The following LIPF variants were observed in gnomAD, a reference collection of about 807,000 sequenced individuals.
LIPF encodes the protein gastric triacylglycerol lipase.
LIPF carries 25 observed loss-of-function variants against 38.0 expected under a neutral mutation model. That is an observed-to-expected ratio of 0.66 (90% CI 0.48 to 0.92). The LOEUF (loss-of-function observed/expected upper bound fraction) is 0.92, where lower values mean the gene tolerates loss of function less well. Among genes scored for constraint, LIPF ranks in the 40% least tolerant of loss-of-function variants. LIPF has a pLI of 0.00. For missense variants in LIPF, 410 were observed against 469.9 expected (o/e 0.87, Z 1.18); for synonymous variants, 161 against 156.2 (o/e 1.03, Z -0.23).
At chr10:88,665,611 G>A in intron 1 of LIPF, 1 of 1,393,054 alleles carries the variant, frequency 7.2e-7, no homozygotes, top group South Asian at 1.2e-5. Flanking sequence ...TGGAGGTCAT[G>A]TGGGTTCCTG....
intron 4 of LIPF, 159 bp from the exon 5 acceptor site, chr10:88,669,678 C>T: frequency 3.9e-6 from 2 of 517,538 alleles, no homozygotes; most frequent in Non-Finnish European, 6.9e-6. Flanking sequence ...TAAGAAGCTG[C>T]CCCAAAGGGC....
Position 88,667,670 on chromosome 10 carries a change from A to G in LIPF, c.207A>G (p.Lys69=), listed in dbSNP as rs746333498. The change falls in exon 3 of 10, where the codon AAA becomes AAG. Residue 69 remains lysine (K), a synonymous_variant. Transcript: ENST00000238983. ...LEVNRIPYGK[K]NSGNTGQRPV... ...TCAATAGAATTCCTTATGGGAAGAA[A>G]AATTCAGGGAATACAGGTATATATA... is the stretch of plus-strand genomic sequence containing the variant. The G allele has an allele frequency of 6.9e-7, 1 of 1,455,196 alleles. No homozygotes were observed. 90.1% of individuals were successfully genotyped at this position (1,455,196 alleles called of 1,614,324 possible).
rs564643012 is a variant in LIPF, at chr10:88,668,583, G to C, written c.249G>C (p.Gln83His). The C allele has an allele frequency of 3.7e-6, 6 of 1,614,126 alleles. No homozygotes were observed. The East Asian group carries it at 1.3e-4, about 36-fold the overall frequency. ...GCCAGAGACCTGTTGTGTTTTTGCA[G>C]CATGGTTTGCTTGCATCAGCCACAA... ...NTGQRPVVFL[Q>H]HGLLASATNW... Residue 83 changes from glutamine to histidine, a missense_variant, in exon 4 of 10, where the codon CAG becomes CAC. Gln to His is a conservative substitution (Grantham distance 24). Transcript: ENST00000238983.
At chr10:88,677,017 T>C (rs1182320240) in intron 9 of LIPF, among the ~76,000 whole-genome samples, 1 of 152,204 alleles carries the variant, frequency 6.6e-6, no homozygotes, top group Non-Finnish European at 1.5e-5. Context: ...CCTATAGTAT[T>C]TTGTAACCTT....
chr10:88,672,670 A>ACACACTCTCTCTCT (rs869259093), intron 6 of LIPF, among the ~76,000 whole-genome samples: 6 of 110,500 alleles, frequency 5.4e-5, no homozygotes, highest in African/African-American at 2.0e-4. Context: ...ACACACACAC[A>ACACACTCTCTCTCT]CTCTCTCTCT....
At chr10:88,671,488 T>C (rs1315332479) in intron 5 of LIPF, among the ~76,000 whole-genome samples, 1 of 152,174 alleles carries the variant, frequency 6.6e-6, no homozygotes, top group East Asian at 1.9e-4. Context: ...TGTAATGAGA[T>C]ACATTTAAAT....
intron 6 of LIPF, 33 bp from the exon 7 acceptor site, chr10:88,673,555 C>T: frequency 6.4e-7 from 1 of 1,564,494 alleles, no homozygotes. Flanking sequence ...AGCTTGATTG[C>T]TACAACCCTC....
At chr10:88,676,315 G>T in intron 9 of LIPF, 35 bp downstream of exon 9, 1 of 1,238,610 alleles carries the variant, frequency 8.1e-7, no homozygotes, top group East Asian at 2.3e-5. Context: ...TTCACATTTT[G>T]AACAACAATA....
In LIPF at chr10:88,678,537, T is replaced by A; in HGVS notation, c.1053T>A (p.Val351=). ...ACCTGTTGGCTGACCCCCAAGATGT[T>A]GGCCTTTTGCTTCCAAAACTCCCCA... The part of the protein sequence containing the change: ...GKDLLADPQD[V]GLLLPKLPNL... Residue 351 remains valine (V), a synonymous_variant, in exon 10 of 10, where the codon GTT becomes GTA. Coordinates refer to ENST00000238983, the MANE Select transcript of LIPF (RefSeq NM_004190.4). 6.2e-7 allele frequency: 1 copy of A among 1,614,032 alleles called. No individual in the cohort carries two copies. The highest frequency in any genetic ancestry group is 1.1e-5 in the South Asian group (1 of 91,060).
chr10:88,665,418 G>T, intron 1 of LIPF: 1 of 719,534 alleles, frequency 1.4e-6, no homozygotes, highest in South Asian at 1.5e-5. Context: ...ATACCATGTT[G>T]AACACACAGT....
intron 4 of LIPF, chr10:88,668,957 G>C: frequency 1.9e-6 from 1 of 540,120 alleles, no homozygotes. Context: ...GATCTCAGGA[G>C]TCTCCATTAG....
At chr10:88,667,725 T>G (rs1274862183) in intron 3 of LIPF, 39 bp downstream of exon 3, 7 of 864,560 alleles carry the variant, frequency 8.1e-6, no homozygotes, top group Non-Finnish European at 1.9e-6. Context: ...TTTCTCTCTT[T>G]TTTCCTTTCC....
intron 8 of LIPF, 25 bp from the exon 9 acceptor site, chr10:88,676,184 T>C (rs1274013065): frequency 2.1e-6 from 3 of 1,406,922 alleles, no homozygotes; most frequent in Admixed American, 4.1e-5. Flanking sequence ...TTTTTATTTG[T>C]TTGCTTTTAA....
At chr10:88,672,114 A>T in intron 6 of LIPF, 149 bp downstream of exon 6, 2 of 746,778 alleles carry the variant, frequency 2.7e-6, no homozygotes, top group Non-Finnish European at 4.2e-6. Context: ...TTTCTTCCAT[A>T]GCACTGACCA....
At chr10:88,667,090 T>TAAACATGTAAAGCATTA (rs1841522736) in intron 1 of LIPF, among the ~76,000 whole-genome samples, 197 bp from the exon 2 acceptor site, 1 of 152,186 alleles carries the variant, frequency 6.6e-6, no homozygotes, top group African/African-American at 2.4e-5. Flanking sequence ...ATTAAAAGCT[T>TAAACATGTAAAGCATTA]AAACATGTTA....
chr10:88,673,554 G>C (rs375020849), intron 6 of LIPF, 34 bp from the exon 7 acceptor site: 1 of 1,550,388 alleles, frequency 6.4e-7, no homozygotes, highest in African/African-American at 1.4e-5. Context: ...CAGCTTGATT[G>C]CTACAACCCT....
At chr10:88,675,463 C>T (rs1841670445) in intron 7 of LIPF, 123 bp from the exon 8 acceptor site, 7 of 726,490 alleles carry the variant, frequency 9.6e-6, no homozygotes, top group African/African-American at 1.8e-5. Flanking sequence ...TTGTTCATAT[C>T]CTTCCAGTAA....
chr10:88,674,738 T>C (rs892042694), intron 7 of LIPF, among the ~76,000 whole-genome samples: 2 of 152,204 alleles, frequency 1.3e-5, no homozygotes, highest in Non-Finnish European at 2.9e-5. Context: ...ATATAAGGTT[T>C]TCTACTACTA....
At chr10:88,668,469 G>T in intron 3 of LIPF, 89 bp from the exon 4 acceptor site, 2 of 1,082,658 alleles carry the variant, frequency 1.8e-6, no homozygotes, top group Non-Finnish European at 2.7e-6. Context: ...TGTATTTAGT[G>T]CTAGTCATAT....
Sources: gnomAD v4.1 joint callset for allele counts (sites outside exome capture counted in the v4.1 genomes callset) on GRCh38, gnomAD v4.1.1 for gene constraint, MANE v1.5 for transcripts, NCBI Gene and HGNC (gene_info 2026-07-23, HGNC 2026-07-21) for gene names.